Variants in RAB2B observed in about 807,000 individuals in gnomAD.
RAB2B encodes ras-related protein Rab-2B.
Under a neutral mutation model 29.8 loss-of-function variants are expected in RAB2B, and 20 were observed. The ratio of observed to expected loss-of-function variants is 0.67; its 90% CI spans 0.47 to 0.97. The LOEUF is 0.97. Ranked by LOEUF, RAB2B falls within the 50% of genes least tolerant of loss-of-function variation. The probability of loss-of-function intolerance (pLI) is 0.00; values close to 1 mark genes in which losing one functional copy is unlikely to be tolerated. For synonymous variants in RAB2B, 93 were observed against 91.7 expected, an observed-to-expected ratio of 1.01 and a Z score of -0.08; for missense variants, 218 against 272.0, an observed-to-expected ratio of 0.80 and a Z score of 1.40.
chr14:21,465,763 T>C (rs1214322265), intron 5 of RAB2B, among the ~76,000 whole-genome samples: 1 of 152,228 alleles, frequency 6.6e-6, no homozygotes, highest in Non-Finnish European at 1.5e-5. Context: ...TAAGGTGCTA[T>C]AAAATCTGGT....
At chr14:21,468,604 A>C in intron 4 of RAB2B, 66 bp downstream of exon 4, 1 of 365,584 alleles carries the variant, frequency 2.7e-6, no homozygotes. Context: ...CAGTAGATAG[A>C]AAAAAAAAAA....
intron 5 of RAB2B, among the ~76,000 whole-genome samples, chr14:21,468,118 T>G (rs925516810): frequency 2.6e-5 from 4 of 152,124 alleles, no homozygotes; most frequent in African/African-American, 9.7e-5. Context: ...GATGAAAAAG[T>G]TCTGGAGATG....
intron 1 of RAB2B, 81 bp from the exon 2 acceptor site, chr14:21,476,680 G>T: frequency 6.2e-7 from 1 of 1,612,032 alleles, no homozygotes; most frequent in African/African-American, 1.3e-5. Flanking sequence ...CAGAGAAGGG[G>T]GGCTCCCGAG....
rs199596699 is a variant in RAB2B, at chr14:21,476,589, C to T, written c.57G>A (p.Lys19=). 6.2e-7 allele frequency: 1 copy of T among 1,613,750 alleles called. No homozygotes were observed. Among genetic ancestry groups the T allele is most frequent in the East Asian group, 2.2e-5 (1 of 44,882 alleles). ...YIIIGDTGVG[K]SCLLLQFTDK... ...CTGTAAACTGCAGGAGGAGACATGA[C>T]TTCCCCACACCTGAAAGAGAAAGCA... The change falls in exon 2 of 8, where the codon AAG becomes AAA. Residue 19 remains lysine, a synonymous_variant. Coordinates refer to ENST00000397762, the MANE Select transcript of RAB2B (RefSeq NM_032846.4).
rs1251795372 is a variant in RAB2B, at chr14:21,468,377, G to A, written c.342C>T (p.Ile114=). Residue 114 remains isoleucine, a synonymous_variant, in exon 5 of 8, where the codon ATC becomes ATT. Transcript: ENST00000397762. ...TTTACCTCTTATTCCCAATGAGCAT[G>A]ATAACCATGTTGGAACTAGAGTGCT... The part of the protein sequence containing the change: ...ARQHSSSNMV[I]MLIGNKSDLE... The A allele has an allele frequency of 2.5e-6, 4 of 1,613,696 alleles. No homozygotes were observed. The highest frequency in any genetic ancestry group is 1.1e-5 in the South Asian group (1 of 91,068).
At chr14:21,461,384 C>T in intron 7 of RAB2B, 81 bp from the exon 8 acceptor site, 1 of 859,502 alleles carries the variant, frequency 1.2e-6, no homozygotes, top group South Asian at 1.7e-5. Flanking sequence ...CTGCTTGTAT[C>T]CCAGGGTAGA....
At chr14:21,461,360 G>A (rs1234152637) in intron 7 of RAB2B, 57 bp from the exon 8 acceptor site, 5 of 1,183,000 alleles carry the variant, frequency 4.2e-6, no homozygotes, top group Non-Finnish European at 6.2e-6. Context: ...ATGAGAGACA[G>A]GAGGGGGCTA....
chr14:21,472,090 C>A (rs1448181037), intron 3 of RAB2B, among the ~76,000 whole-genome samples: 1 of 152,042 alleles, frequency 6.6e-6, no homozygotes, highest in Non-Finnish European at 1.5e-5. Context: ...TCAGATACAC[C>A]ATTTTCCTAA....
At chr14:21,467,361 G>T (rs1340439165) in intron 5 of RAB2B, among the ~76,000 whole-genome samples, 1 of 151,906 alleles carries the variant, frequency 6.6e-6, no homozygotes, top group Non-Finnish European at 1.5e-5. Context: ...GTCTCACTAT[G>T]TTGCCCAGGC....
intron 3 of RAB2B, among the ~76,000 whole-genome samples, chr14:21,471,615 C>CAAA (rs71419137): frequency 1.6e-5 from 1 of 64,360 alleles, no homozygotes; most frequent in African/African-American, 6.1e-5. Flanking sequence ...AAGACCCTGT[C>CAAA]AAAAAAAAAA....
chr14:21,476,047 A>G (rs142569903), intron 2 of RAB2B, among the ~76,000 whole-genome samples: 3 of 152,232 alleles, frequency 2.0e-5, no homozygotes, highest in African/African-American at 7.2e-5. Context: ...CGTTTGAGGA[A>G]CTGTTAACAC....
At chr14:21,475,175 T>C (rs776485554) in intron 2 of RAB2B, among the ~76,000 whole-genome samples, 1 of 152,236 alleles carries the variant, frequency 6.6e-6, no homozygotes, top group Non-Finnish European at 1.5e-5. Flanking sequence ...AAAGCAGATA[T>C]GGGAAAATAA....
At chr14:21,463,248 CT>C (rs36047568) in intron 6 of RAB2B, among the ~76,000 whole-genome samples, 56 of 138,502 alleles carry the variant, frequency 4.0e-4, no homozygotes, top group Admixed American at 5.9e-4. Flanking sequence ...GACATTCTTT[CT>C]TTTTTTTTTT....
chr14:21,471,965 G>C (rs8013109), intron 3 of RAB2B, among the ~76,000 whole-genome samples: 123,456 of 151,994 alleles, frequency 0.81, 51,425 homozygotes, highest in Middle Eastern at 0.92. Context: ...CATGAGCCAC[G>C]ACACCCGGCC....
intron 7 of RAB2B, 23 bp from the exon 8 acceptor site, chr14:21,461,326 G>T: frequency 6.4e-7 from 1 of 1,553,164 alleles, no homozygotes; most frequent in Non-Finnish European, 8.9e-7. Flanking sequence ...AGAGGCAATA[G>T]TTCCCACCTC....
In RAB2B at chr14:21,470,993, C is replaced by CAAAAAAAAA. The variant is rs869211285; in HGVS notation, c.187-2250_187-2242dup. On this transcript the variant is annotated intron_variant, in intron 3 of 7. Coordinates refer to ENST00000397762, the MANE Select transcript of RAB2B (RefSeq NM_032846.4). ...TGAAACCCCATCTCTGCTAAAAATA[C>CAAAAAAAAA]AAAAAAAAAAAAAAAAAAAAAAAAA... 4.9e-4 allele frequency among the ~76,000 whole-genome samples: 48 copies of CAAAAAAAAA among 98,764 alleles called. 1 individual carries two copies. Among genetic ancestry groups the CAAAAAAAAA allele is most frequent in the Admixed American group, 5.8e-4 (5 of 8,646 alleles). The allele number at this position is 98,764 out of a possible 152,430, so 64.8% of individuals were successfully genotyped here.
chr14:21,468,605 A>G, intron 4 of RAB2B, 65 bp downstream of exon 4: 2 of 1,185,168 alleles, frequency 1.7e-6, no homozygotes, highest in Non-Finnish European at 2.3e-6. Flanking sequence ...AGTAGATAGA[A>G]AAAAAAAAAA....
At chr14:21,461,803 C>T (rs1890562229) in intron 7 of RAB2B, among the ~76,000 whole-genome samples, 1 of 152,176 alleles carries the variant, frequency 6.6e-6, no homozygotes, top group Non-Finnish European at 1.5e-5. Context: ...GTCCTGGCTT[C>T]AAGCAATCTC....
rs1373183820 is a variant in RAB2B, at chr14:21,468,670, C to G, written c.269G>C (p.Arg90Thr). The part of the protein sequence containing the change: ...AGALLVYDIT[R>T]RETFNHLTSW... ...CTCCCATGCACCAGATCTGGCTCAC[C>G]TTGTAATGTCGTACACCAGCAGTGC... is the stretch of plus-strand genomic sequence containing the variant. Residue 90 changes from arginine to threonine, a missense_variant and splice_region_variant, in exon 4 of 8, where the codon AGG becomes ACG. Physicochemically the swap from Arg to Thr is moderately conservative, Grantham distance 71 (BLOSUM62 -1). Transcript: ENST00000397762. The G allele has an allele frequency of 2.3e-5, 36 of 1,559,386 alleles. No homozygotes were observed. The highest frequency in any genetic ancestry group is 3.1e-5 in the Non-Finnish European group (36 of 1,157,632).
Sources: gnomAD v4.1 joint callset for allele counts (sites outside exome capture counted in the v4.1 genomes callset) on GRCh38, gnomAD v4.1.1 for gene constraint, MANE v1.5 for transcripts, NCBI Gene and HGNC (gene_info 2026-07-23, HGNC 2026-07-21) for gene names.